Variants in BNC2 observed in about 807,000 individuals in gnomAD.
BNC2 encodes the protein basonuclin zinc finger protein 2.
BNC2 carries 20 observed loss-of-function variants against 76.3 expected under a neutral mutation model. That is an observed-to-expected ratio of 0.26 (90% CI 0.18 to 0.38). The LOEUF is 0.38. Among genes scored for constraint, BNC2 ranks in the 10% least tolerant of loss-of-function variants. The pLI, the probability that BNC2 is intolerant of heterozygous loss-of-function variation, is 1.00. For missense variants in BNC2, 1,382 were observed against 1,399.8 expected, an observed-to-expected ratio of 0.99 and a Z score of 0.20; for synonymous variants, 582 against 514.8, an observed-to-expected ratio of 1.13 and a Z score of -1.77.
At chr9:16,457,516 G>C (rs1821479530) in intron 5 of BNC2, among the ~76,000 whole-genome samples, 1 of 152,136 alleles carries the variant, frequency 6.6e-6, no homozygotes, top group South Asian at 2.1e-4. Context: ...TGCTCCCAGA[G>C]GAGTCACATA....
chr9:16,646,844 G>A (rs1235849334), intron 3 of BNC2, among the ~76,000 whole-genome samples: 1 of 152,158 alleles, frequency 6.6e-6, no homozygotes, highest in African/African-American at 2.4e-5. Context: ...ATGAGATATT[G>A]TAACAGCTGG....
intron 1 of BNC2, among the ~76,000 whole-genome samples, chr9:16,748,291 A>T (rs1825068635): frequency 6.6e-6 from 1 of 152,138 alleles, no homozygotes; most frequent in Non-Finnish European, 1.5e-5. Context: ...AGGCAGGAAG[A>T]CTGTTTGAGC....
At chr9:16,588,954 T>C (rs1819844478) in intron 3 of BNC2, among the ~76,000 whole-genome samples, 1 of 152,222 alleles carries the variant, frequency 6.6e-6, no homozygotes, top group African/African-American at 2.4e-5. Flanking sequence ...TTAGGGACAC[T>C]TATCCCAGTT....
At chr9:16,600,518 C>T (rs937567065) in intron 3 of BNC2, among the ~76,000 whole-genome samples, 3 of 152,106 alleles carry the variant, frequency 2.0e-5, no homozygotes, top group Non-Finnish European at 4.4e-5. Context: ...TTGACAAATT[C>T]AGCATTTTAT....
chr9:16,852,924 G>A (rs998669213), intron 1 of BNC2, among the ~76,000 whole-genome samples: 1 of 152,212 alleles, frequency 6.6e-6, no homozygotes, highest in Non-Finnish European at 1.5e-5. Context: ...GCAGTGGCAG[G>A]AAACGGCGTC....
intron 5 of BNC2, among the ~76,000 whole-genome samples, chr9:16,475,676 C>A (rs1263725347): frequency 6.6e-6 from 1 of 152,148 alleles, no homozygotes; most frequent in African/African-American, 2.4e-5. Context: ...GTCTTTTATC[C>A]CCTTTCCTCC....
intron 5 of BNC2, among the ~76,000 whole-genome samples, chr9:16,549,434 T>C (rs553595676): frequency 1.1e-4 from 17 of 152,332 alleles, no homozygotes; most frequent in East Asian, 3.9e-4. Flanking sequence ...AATGCTAAAA[T>C]TGATGCCTTG....
At chr9:16,733,636 A>T (rs1280190064) in intron 2 of BNC2, among the ~76,000 whole-genome samples, 1 of 152,178 alleles carries the variant, frequency 6.6e-6, no homozygotes, top group Non-Finnish European at 1.5e-5. Context: ...AGCGGGGAGA[A>T]AGAGGAAGAG....
chr9:16,668,772 T>A (rs1822380998), intron 3 of BNC2, among the ~76,000 whole-genome samples: 1 of 152,208 alleles, frequency 6.6e-6, no homozygotes, highest in African/African-American at 2.4e-5. Flanking sequence ...TTTGACTTTC[T>A]CTTGTTGGGC....
chr9:16,840,877 A>T (rs1818807674), intron 1 of BNC2, among the ~76,000 whole-genome samples: 1 of 152,160 alleles, frequency 6.6e-6, no homozygotes, highest in South Asian at 2.1e-4. Flanking sequence ...AAATACCATA[A>T]CATATTTTGG....
intron 3 of BNC2, 45 bp from the exon 4 acceptor site, chr9:16,583,130 T>C (rs781193449): frequency 6.9e-7 from 1 of 1,451,914 alleles, no homozygotes; most frequent in Non-Finnish European, 9.7e-7. Flanking sequence ...TGTTCAAAGA[T>C]ACTATACTCT....
intron 1 of BNC2, among the ~76,000 whole-genome samples, chr9:16,782,049 G>A (rs551180167): frequency 6.6e-4 from 100 of 152,162 alleles, no homozygotes; most frequent in African/African-American, 2.3e-3. Context: ...CACTTTGGGA[G>A]GCCGAGGGGG....
intron 1 of BNC2, among the ~76,000 whole-genome samples, chr9:16,795,284 T>A (rs967709916): frequency 6.6e-5 from 10 of 151,942 alleles, no homozygotes; most frequent in Admixed American, 5.9e-4. Context: ...ACTCCACATG[T>A]GACCGGTCTT....
Position 16,552,754 on chromosome 9 carries a change from G to A in BNC2, c.445C>T (p.Leu149Phe), listed in dbSNP as rs1237819121. ...GGGTGGTACAGGTGCTGCGTGCTGA[G>A]CTTATCCAAGGCTGTGGTGGTCCCG... is the stretch of plus-strand genomic sequence containing the variant. ...HGWVAHALDK[L>F]STQHLYHPTQ... is the part of the protein sequence containing the mutation. The change falls in exon 5 of 7, where the codon CTC (leucine) becomes TTC (phenylalanine). Residue 149 changes from leucine (L) to phenylalanine (F), a missense_variant. Around this residue, in one of 3 missense-constraint regions of BNC2, gnomAD observed 557 missense variants for 540.9 expected, o/e 1.03. Transcript: ENST00000380672. 6.2e-7 allele frequency: 1 copy of A among 1,613,996 alleles called. No homozygotes were observed. The highest frequency in any genetic ancestry group is 1.3e-5 in the African/African-American group (1 of 74,888).
intron 3 of BNC2, among the ~76,000 whole-genome samples, chr9:16,606,548 A>G (rs12338032): frequency 0.13 from 20,151 of 150,518 alleles, 1,775 homozygotes; most frequent in Non-Finnish European, 0.2. Context: ...TTTTGTGGGT[A>G]GGGGGACGGA....
At chr9:16,533,264 A>T (rs1438347004) in intron 5 of BNC2, among the ~76,000 whole-genome samples, 1 of 152,198 alleles carries the variant, frequency 6.6e-6, no homozygotes, top group African/African-American at 2.4e-5. Context: ...TGGACAGGAA[A>T]CACCCTGCAT....
intron 1 of BNC2, among the ~76,000 whole-genome samples, chr9:16,855,152 T>TGA (rs71491696): frequency 6.6e-6 from 1 of 152,058 alleles, no homozygotes; most frequent in African/African-American, 2.4e-5. Context: ...TGTGTGTGTG[T>TGA]GATCTCCACT....
At chr9:16,869,560 C>A (rs905703244) in intron 1 of BNC2, among the ~76,000 whole-genome samples, 3 of 152,182 alleles carry the variant, frequency 2.0e-5, no homozygotes, top group African/African-American at 7.2e-5. Flanking sequence ...CACCTGTATT[C>A]TCATATGTTC....
intron 5 of BNC2, among the ~76,000 whole-genome samples, chr9:16,550,759 G>A (rs1818636162): frequency 1.3e-5 from 2 of 152,146 alleles, no homozygotes; most frequent in Non-Finnish European, 2.9e-5. Flanking sequence ...GCATAGTGGA[G>A]GTAATAAAGA....
Sources: allele counts gnomAD v4.1 joint callset (sites outside exome capture counted in the v4.1 genomes callset), GRCh38; gene constraint gnomAD v4.1.1; regional missense constraint gnomAD v4.1.1; transcripts MANE v1.5; gene names NCBI Gene and HGNC (gene_info 2026-07-23, HGNC 2026-07-21).